NLRP6: variants seen among roughly 807,000 people sequenced by gnomAD.
NLRP6 encodes NACHT, LRR and PYD domains-containing protein 6.
NLRP6 carries 55 observed loss-of-function variants against 70.9 expected under a neutral mutation model. The ratio of observed to expected loss-of-function variants is 0.78; its 90% CI spans 0.62 to 0.97. NLRP6 has a LOEUF of 0.97. NLRP6 is among the 50% of genes least tolerant of loss of function. The pLI is 0.00. For missense variants in NLRP6, 1,241 were observed against 1,238.3 expected (o/e 1.00, Z -0.03); for synonymous variants, 652 against 581.9 (o/e 1.12, Z -1.73).
At position 282,789 on chromosome 11, in the gene NLRP6, C is replaced by G; in HGVS notation, c.2190C>G (p.Ser730Arg). 2 of 1,611,708 alleles carry G rather than the reference C, an allele frequency of 1.2e-6. No individual in the cohort carries two copies. The highest frequency in any genetic ancestry group is 1.7e-6 in the Non-Finnish European group (2 of 1,177,850). Residue 730 changes from serine (S) to arginine (R), a missense_variant, in exon 5 of 8, where the codon AGC becomes AGG. Ser to Arg is a moderately radical substitution (Grantham distance 110). Transcript: ENST00000534750. ...TGACTGACCCACTGTGCCATCTGAG[C>G]AGCCTCACGTGAGTGGCCACACCCC... ...QAMTDPLCHL[S>R]SLTLSHCKLP...
chr11:281,809 A>G lies in NLRP6; in HGVS notation c.2075A>G (p.Lys692Arg). The G allele has an allele frequency of 1.3e-6, 2 of 1,591,288 alleles. No individual in the cohort carries two copies. Among genetic ancestry groups the G allele is most frequent in the East Asian group, 2.2e-5 (1 of 44,614 alleles). The change falls in exon 4 of 8, where the codon AAG (lysine) becomes AGG (arginine). Residue 692 changes from lysine to arginine, a missense_variant. Physicochemically the swap from Lys to Arg is conservative, Grantham distance 26 (BLOSUM62 2). Coordinates refer to ENST00000534750, the MANE Select transcript of NLRP6 (RefSeq NM_001276700.2). ...GAGAAGAAGAAGAAGAGCCTGGGGA[A>G]GCGGCTCCAGGCCAGCCTGGGTGGC... is the stretch of plus-strand genomic sequence containing the variant. ...AQEKKKKSLG[K>R]RLQASLGGGS...
At chr11:283,079 G>A (rs943479378) in intron 5 of NLRP6, among the ~76,000 whole-genome samples, 1 of 152,198 alleles carries the variant, frequency 6.6e-6, no homozygotes, top group African/African-American at 2.4e-5. Flanking sequence ...AGACAAGAGT[G>A]TATTTTCCTT....
chr11:283,413 A>C (rs2134010168), intron 5 of NLRP6, among the ~76,000 whole-genome samples: 1 of 145,692 alleles, frequency 6.9e-6, no homozygotes, highest in East Asian at 2.0e-4. Flanking sequence ...TCCCGGGTTC[A>C]CGCCATTCTC....
intron 5 of NLRP6, among the ~76,000 whole-genome samples, chr11:283,722 C>T (rs1590271967): frequency 1.3e-5 from 2 of 152,062 alleles, no homozygotes; most frequent in Non-Finnish European, 2.9e-5. Context: ...GAAACAGGTC[C>T]ATCCTACGTT....
At chr11:284,119 C>A in intron 5 of NLRP6, 111 bp from the exon 6 acceptor site, 1 of 939,080 alleles carries the variant, frequency 1.1e-6, no homozygotes, top group Non-Finnish European at 1.7e-6. Context: ...GTGGCACCAA[C>A]ACATCTCTCA....
rs150530901 is a variant in NLRP6 at position 284,253 on chromosome 11, A to G, written c.2222A>G (p.Asp741Gly). 7 of 1,613,146 alleles carry G rather than the reference A, an allele frequency of 4.3e-6. No individual in the cohort carries two copies. The African/African-American group carries it at 8.0e-5, about 18-fold the overall frequency. The change falls in exon 6 of 8, where the codon GAC (aspartate) becomes GGC (glycine). Residue 741 changes from aspartate (D) to glycine (G), a missense_variant. Coordinates refer to ENST00000534750, the MANE Select transcript of NLRP6 (RefSeq NM_001276700.2). Reference sequence around the variant, plus strand: ...AGGCTGTCCCACTGCAAACTCCCTGACGCGGTCTGCCGAGACCTTTCTGAG... The same window carrying G: ...AGGCTGTCCCACTGCAAACTCCCTGGCGCGGTCTGCCGAGACCTTTCTGAG... ...SLTLSHCKLP[D>G]AVCRDLSEAL...
At position 281,487 on chromosome 11, in the gene NLRP6, G is replaced by A. The variant is rs1173384679; in HGVS notation, c.1753G>A (p.Gly585Ser). The change falls in exon 4 of 8, where the codon GGC (glycine) becomes AGC (serine). Residue 585 changes from glycine to serine, a missense_variant. By Grantham distance (56) the Gly-to-Ser change is moderately conservative (BLOSUM62 0). Coordinates refer to ENST00000534750, the MANE Select transcript of NLRP6 (RefSeq NM_001276700.2). ...GCGGTGGGTGCAGGGACAGGGACAG[G>A]GCTGCCCCGGAGTGGCACCAGAGGT... ...ALRWVQGQGQGCPGVAPEVTE... is the reference protein window; with the variant it reads ...ALRWVQGQGQSCPGVAPEVTE... The A allele has an allele frequency of 6.3e-7, 1 of 1,597,558 alleles. No homozygotes were observed. Among genetic ancestry groups the A allele is most frequent in the Non-Finnish European group, 8.5e-7 (1 of 1,170,508 alleles).
chr11:280,132 TGAAG>T lies in NLRP6; in HGVS notation c.401_404del (p.Lys134ArgfsTer7), dbSNP rs1211515160. 6.5e-7 allele frequency: 1 copy of T among 1,542,368 alleles called. No homozygotes were observed. Among genetic ancestry groups the T allele is most frequent in the African/African-American group, 1.4e-5 (1 of 71,526 alleles). Reference sequence around the variant, plus strand: ...CACGTGCTGCAGCTGCACGCTCGGGTGAAGGAGAGGAACGCCCGCTCCGTGAAGA... The same window carrying T: ...CACGTGCTGCAGCTGCACGCTCGGGTGAGAGGAACGCCCGCTCCGTGAAGA... On this transcript the variant is annotated frameshift_variant, in exon 4 of 8. Transcript: ENST00000534750. LOFTEE classifies it high-confidence loss of function.
intron 3 of NLRP6, 83 bp from the exon 4 acceptor site, chr11:280,001 G>A: frequency 7.1e-7 from 1 of 1,414,584 alleles, no homozygotes; most frequent in Non-Finnish European, 9.3e-7. Flanking sequence ...CCTGAGCAGG[G>A]CCGGGGAGGG....
chr11:281,035 A>G lies in NLRP6; in HGVS notation c.1301A>G (p.Asp434Gly). ...TSVLSSAPVA[D>G]GPRLQGDLRN... ...GTTCTGAGCTCGGCTCCGGTAGCCGACGGGCCCCGGTTGCAGGGCGACCTG... is the reference window on the plus strand; with the variant it reads ...GTTCTGAGCTCGGCTCCGGTAGCCGGCGGGCCCCGGTTGCAGGGCGACCTG... Residue 434 changes from aspartate to glycine, a missense_variant, in exon 4 of 8, where the codon GAC becomes GGC. Transcript: ENST00000534750. 1 of 1,612,984 alleles carries G rather than the reference A, an allele frequency of 6.2e-7. No homozygotes were observed.
chr11:282,615 G>C, intron 4 of NLRP6, 90 bp from the exon 5 acceptor site: 1 of 1,031,160 alleles, frequency 9.7e-7, no homozygotes, highest in South Asian at 1.3e-5. Context: ...GGGCAGCTCT[G>C]AGACCCCAGG....
At position 281,204 on chromosome 11, in the gene NLRP6, G is replaced by C; in HGVS notation, c.1470G>C (p.Glu490Asp). Residue 490 changes from glutamate (E) to aspartate (D), a missense_variant, in exon 4 of 8, where the codon GAG becomes GAC. Transcript: ENST00000534750. ...LSKKELPGVL[E>D]TEVTYQFIDQ... The stretch of plus-strand genomic sequence containing the variant: ...AAAAGGAGCTGCCGGGCGTGCTGGA[G>C]ACAGAGGTCACCTACCAGTTCATCG... 2.5e-6 allele frequency: 4 copies of C among 1,613,236 alleles called. No homozygotes were observed. The highest frequency in any genetic ancestry group is 3.4e-6 in the Non-Finnish European group (4 of 1,179,986).
At position 281,300 on chromosome 11, in the gene NLRP6, G is replaced by C. The variant is rs143558820; in HGVS notation, c.1566G>C (p.Ala522=). ...LLEDGGVPRT[A]AGGVGTLLRG... ...AGGACGGCGGGGTGCCCAGGACCGC[G>C]GCTGGCGGCGTTGGGACACTCCTGC... Residue 522 remains alanine (A), a synonymous_variant, in exon 4 of 8, where the codon GCG becomes GCC. Coordinates refer to ENST00000534750, the MANE Select transcript of NLRP6 (RefSeq NM_001276700.2). 1.8e-4 allele frequency: 290 copies of C among 1,609,060 alleles called. 1 individual carries two copies. In the Middle Eastern group the frequency reaches 1.8e-3, roughly 10 times the overall value.
Position 284,653 on chromosome 11 carries a change from G to A in NLRP6, c.2537+11G>A, listed in dbSNP as rs1326329326. On this transcript the variant is annotated intron_variant, in intron 7 of 7. Transcript: ENST00000534750. ...CCTGCAGACCCTCAGGTGGAGGCAG[G>A]GGTGGGAAGGGTGCTGGGGACACAG... 1 of 1,593,218 alleles carries A rather than the reference G, an allele frequency of 6.3e-7. No individual in the cohort carries two copies. Among genetic ancestry groups the A allele is most frequent in the African/African-American group, 1.3e-5 (1 of 74,844 alleles).
rs754962782 is a variant in NLRP6, at chr11:279,522, G to A, written c.225G>A (p.Glu75=). The part of the protein sequence containing the change: ...AEQLAQFYGP[E]PALEVARKTL... Reference sequence around the variant, plus strand: ...AGCTGGCCCAGTTCTACGGCCCGGAGCCTGCCCTGGAGGTGGCCCGCAAGA... The same window carrying A: ...AGCTGGCCCAGTTCTACGGCCCGGAACCTGCCCTGGAGGTGGCCCGCAAGA... Residue 75 remains glutamate, a synonymous_variant, in exon 2 of 8, where the codon GAG becomes GAA. Transcript: ENST00000534750. 3 of 1,457,528 alleles carry A rather than the reference G, an allele frequency of 2.1e-6. No individual in the cohort carries two copies. The highest frequency in any genetic ancestry group is 2.7e-5 in the South Asian group (2 of 74,102). The allele number at this position is 1,457,528 out of a possible 1,614,324, so 90.3% of individuals were successfully genotyped here. A position where few individuals can be genotyped will look rare whatever the true frequency, so the allele number is the denominator to read the frequency against.
In NLRP6 at chr11:280,314, C is replaced by T. The variant is rs1405564915; in HGVS notation, c.580C>T (p.Arg194Trp). The T allele has an allele frequency of 6.7e-7, 1 of 1,497,368 alleles. No homozygotes were observed. The highest frequency in any genetic ancestry group is 8.9e-7 in the Non-Finnish European group (1 of 1,125,380). The allele number at this position is 1,497,368 out of a possible 1,614,324, so 92.8% of individuals were successfully genotyped here. ...CTTCCGCCGCGACGAGGAGGGCCGG[C>T]GGCCGCTGACCGTGGTGCTGCAGGG... is the stretch of plus-strand genomic sequence containing the variant. The part of the protein sequence containing the change: ...RLFRRDEEGR[R>W]PLTVVLQGPA... The change falls in exon 4 of 8, where the codon CGG (arginine) becomes TGG (tryptophan). Residue 194 changes from arginine to tryptophan, a missense_variant. Physicochemically the swap from Arg to Trp is moderately radical, Grantham distance 101. Coordinates refer to ENST00000534750, the MANE Select transcript of NLRP6 (RefSeq NM_001276700.2).
Position 281,853 on chromosome 11 carries a change from G to A in NLRP6, c.2105+14G>A. The A allele has an allele frequency of 1.3e-6, 2 of 1,556,698 alleles. No individual in the cohort carries two copies. The highest frequency in any genetic ancestry group is 1.7e-6 in the Non-Finnish European group (2 of 1,156,592). ...GGGTGGCGGCAGGTGCGTCTCCAGG[G>A]CAGAGATACTCTCTTGTGTGTGAGG... On this transcript the variant is annotated intron_variant, in intron 4 of 7. Transcript: ENST00000534750.
chr11:279,937 G>C (rs1170627142), intron 3 of NLRP6, 65 bp downstream of exon 3: 61 of 1,444,708 alleles, frequency 4.2e-5, no homozygotes, highest in Non-Finnish European at 5.6e-5. Flanking sequence ...GGGGAGGACC[G>C]GGGTGGGAGG....
rs769581044 is a variant in NLRP6 at position 285,181 on chromosome 11, G to A, written c.2553G>A (p.Glu851=). ...GTGGCTGCAGTCTGGCCTCTGTGGA[G>A]CTGAGCGAGCAGTCACTACAGGAGC... ...GLQTLSLASV[E]LSEQSLQELQ... is the part of the protein sequence containing the mutation. The change falls in exon 8 of 8, where the codon GAG becomes GAA. Residue 851 remains glutamate (E), a synonymous_variant. Coordinates refer to ENST00000534750, the MANE Select transcript of NLRP6 (RefSeq NM_001276700.2). 5.7e-6 allele frequency: 9 copies of A among 1,589,406 alleles called. No homozygotes were observed. In the South Asian group the frequency reaches 9.1e-5, roughly 16 times the overall value.
Sources: gnomAD v4.1 joint callset for allele counts (sites outside exome capture counted in the v4.1 genomes callset) on GRCh38, gnomAD v4.1.1 for gene constraint, MANE v1.5 for transcripts, NCBI Gene and HGNC (gene_info 2026-07-23, HGNC 2026-07-21) for gene names.